The following TNS3 variants were observed in gnomAD, a reference collection of about 807,000 sequenced individuals.
TNS3 encodes tensin-3.
TNS3 carries 45 observed loss-of-function variants against 140.9 expected under a neutral mutation model. The ratio of observed to expected loss-of-function variants is 0.32; its 90% CI spans 0.25 to 0.41. The LOEUF is 0.41. Ranked by LOEUF, TNS3 falls within the 10% of genes least tolerant of loss-of-function variation. TNS3 has a pLI of 1.00. For missense variants in TNS3, 1,716 were observed against 1,906.7 expected (o/e 0.90, Z 1.86); for synonymous variants, 815 against 788.4 (o/e 1.03, Z -0.56).
chr7:47,302,841 G>A, intron 22 of TNS3, 109 bp downstream of exon 22: 7 of 1,422,502 alleles, frequency 4.9e-6, no homozygotes, highest in Non-Finnish European at 6.6e-6. Flanking sequence ...TCCTCTCCAG[G>A]TGCCCAGCCC....
At chr7:47,555,857 G>A (rs1334956597) in intron 1 of TNS3, among the ~76,000 whole-genome samples, 1 of 152,158 alleles carries the variant, frequency 6.6e-6, no homozygotes, top group Non-Finnish European at 1.5e-5. Context: ...TAAAAGATGT[G>A]TGCAACTTAC....
chr7:47,437,180 G>T, intron 7 of TNS3, 83 bp downstream of exon 7: 2 of 882,108 alleles, frequency 2.3e-6, no homozygotes, highest in South Asian at 1.6e-5. Context: ...ATTCCACAAA[G>T]ACTAGTAGCA....
At chr7:47,478,904 T>C (rs761450504) in intron 4 of TNS3, among the ~76,000 whole-genome samples, 17 of 150,642 alleles carry the variant, frequency 1.1e-4, no homozygotes, top group Non-Finnish European at 1.9e-4. Flanking sequence ...AACATACATG[T>C]ATGTATTTGT....
chr7:47,296,947 C>T (rs888413045), intron 24 of TNS3, 135 bp downstream of exon 24: 2 of 1,143,712 alleles, frequency 1.7e-6, no homozygotes, highest in South Asian at 1.7e-5. Flanking sequence ...GTAAAATATA[C>T]CTGAAAAAAT....
chr7:47,378,087 G>T (rs985236982), intron 16 of TNS3, among the ~76,000 whole-genome samples: 2 of 152,134 alleles, frequency 1.3e-5, no homozygotes, highest in African/African-American at 4.8e-5. Context: ...CCTGGAGAAG[G>T]GGGTGTTTGC....
chr7:47,488,561 A>C (rs1010684453), intron 3 of TNS3, among the ~76,000 whole-genome samples: 15 of 152,216 alleles, frequency 9.9e-5, no homozygotes, highest in African/African-American at 3.6e-4. Flanking sequence ...GACACCAGTC[A>C]TACTGGATTA....
intron 3 of TNS3, chr7:47,481,531 G>T: frequency 2.4e-6 from 1 of 421,196 alleles, no homozygotes; most frequent in Non-Finnish European, 3.2e-6. Flanking sequence ...CTGCCTGGTG[G>T]TCTTCAAGAC....
rs1180252400 is a variant in TNS3 at position 47,277,866 on chromosome 7, G to A, written c.*210C>T. ...TACCCAAAAAGCATGTGGCTACAGAGATGTGTCAGATAAGTCACTTTCAGG... is the reference window on the plus strand; with the variant it reads ...TACCCAAAAAGCATGTGGCTACAGAAATGTGTCAGATAAGTCACTTTCAGG... On this transcript the variant is annotated 3_prime_UTR_variant, in exon 31 of 31. Coordinates refer to ENST00000311160, the MANE Select transcript of TNS3 (RefSeq NM_022748.12). 1.5e-6 allele frequency: 1 copy of A among 677,794 alleles called. No homozygotes were observed. The highest frequency in any genetic ancestry group is 1.8e-5 in the African/African-American group (1 of 56,662). 42.0% of individuals were successfully genotyped at this position (677,794 alleles called of 1,614,324 possible). A position where few individuals can be genotyped will look rare whatever the true frequency, so the allele number is the denominator to read the frequency against.
Position 47,415,107 on chromosome 7 carries a change from G to T in TNS3, c.573C>A (p.Phe191Leu), listed in dbSNP as rs368113552. The change falls in exon 11 of 31, where the codon TTC becomes TTA. Residue 191 changes from phenylalanine to leucine, a missense_variant. Transcript: ENST00000311160. Reference sequence around the variant, plus strand: ...GGGGACACTCACCTCCACCTGTGTCGAAGTTGGGGGTGCCGTGGAGGATGA... The same window carrying T: ...GGGGACACTCACCTCCACCTGTGTCTAAGTTGGGGGTGCCGTGGAGGATGA... The part of the protein sequence containing the change: ...HFVILHGTPN[F>L]DTGGVCRPFL... 1 of 1,611,590 alleles carries T rather than the reference G, an allele frequency of 6.2e-7. No individual in the cohort carries two copies. Among genetic ancestry groups the T allele is most frequent in the African/African-American group, 1.3e-5 (1 of 74,828 alleles).
intron 20 of TNS3, among the ~76,000 whole-genome samples, chr7:47,319,145 A>G (rs1787583619): frequency 1.3e-5 from 2 of 152,200 alleles, no homozygotes; most frequent in South Asian, 4.1e-4. Context: ...GCACCGCTAT[A>G]TAGGAACAAC....
At chr7:47,362,021 C>T (rs531480530) in intron 17 of TNS3, among the ~76,000 whole-genome samples, 1 of 152,238 alleles carries the variant, frequency 6.6e-6, no homozygotes, top group South Asian at 2.1e-4. Context: ...AAATATTCTC[C>T]CACTTAAAAG....
At chr7:47,570,523 A>G (rs1470198447) in intron 1 of TNS3, among the ~76,000 whole-genome samples, 1 of 152,276 alleles carries the variant, frequency 6.6e-6, no homozygotes, top group Admixed American at 6.5e-5. Flanking sequence ...AGTTAAAGGA[A>G]TAATTTACAA....
rs1408425149 is a variant in TNS3 at position 47,471,661 on chromosome 7, A to G, written c.-76+9442T>C. On this transcript the variant is annotated intron_variant, in intron 4 of 30. Transcript: ENST00000311160. The stretch of plus-strand genomic sequence containing the variant: ...AACATCTTCTGCTGTTTATCTGCCC[A>G]TTCTCAAAGTCTGCTCCATCTGAGC... Among the ~76,000 whole-genome samples, 5 of 152,288 alleles carry G rather than the reference A, an allele frequency of 3.3e-5. No homozygotes were observed. In the Middle Eastern group the frequency reaches 0.01, roughly 311 times the overall value.
intron 1 of TNS3, among the ~76,000 whole-genome samples, chr7:47,564,072 T>C (rs1356870683): frequency 5.9e-5 from 9 of 151,386 alleles, no homozygotes; most frequent in Non-Finnish European, 1.2e-4. Flanking sequence ...CAGGCTCCTA[T>C]AGTCCCAGCT....
At chr7:47,468,739 ATT>A (rs1483193616) in intron 4 of TNS3, among the ~76,000 whole-genome samples, 12 of 152,366 alleles carry the variant, frequency 7.9e-5, no homozygotes, top group East Asian at 3.9e-4. Context: ...AAAAAAAACT[ATT>A]GTAAAATTCA....
rs778785110 is a variant in TNS3 at position 47,303,384 on chromosome 7, G to A, written c.3023C>T (p.Pro1008Leu). 1.7e-5 allele frequency: 27 copies of A among 1,613,620 alleles called. No individual in the cohort carries two copies. In the African/African-American group the frequency reaches 1.7e-4, roughly 10 times the overall value. The change falls in exon 22 of 31, where the codon CCG (proline) becomes CTG (leucine). Residue 1008 changes from proline (P) to leucine (L), a missense_variant. Physicochemically the swap from Pro to Leu is moderately conservative, Grantham distance 98 (BLOSUM62 -3). Around this residue, in one of 3 missense-constraint regions of TNS3, gnomAD observed 1,163 missense variants for 1,182.1 expected, o/e 0.98. Coordinates refer to ENST00000311160, the MANE Select transcript of TNS3 (RefSeq NM_022748.12). ...HSHELSLAEP[P>L]DSLAPPSSQA... ...GCTGCTGGGAGGCGCCAGGGAGTCC[G>A]GTGGCTCTGCTAGGGACAGCTCATG...
intron 20 of TNS3, among the ~76,000 whole-genome samples, chr7:47,309,247 C>G (rs1786938409): frequency 6.6e-6 from 1 of 152,052 alleles, no homozygotes; most frequent in African/African-American, 2.4e-5. Flanking sequence ...TCCATCCTGA[C>G]CTGAAGCATA....
chr7:47,346,701 T>A (rs955272449), intron 17 of TNS3, among the ~76,000 whole-genome samples: 6 of 152,268 alleles, frequency 3.9e-5, no homozygotes, highest in African/African-American at 1.4e-4. Flanking sequence ...GGACTGACGA[T>A]GACCCAGCTG....
chr7:47,308,712 G>C (rs1786900595), intron 20 of TNS3, among the ~76,000 whole-genome samples: 1 of 152,036 alleles, frequency 6.6e-6, no homozygotes, highest in African/African-American at 2.4e-5. Context: ...CCCCACTACT[G>C]GGCAAAACCC....
Sources: allele counts gnomAD v4.1 joint callset (sites outside exome capture counted in the v4.1 genomes callset), GRCh38; gene constraint gnomAD v4.1.1; regional missense constraint gnomAD v4.1.1; transcripts MANE v1.5; gene names NCBI Gene and HGNC (gene_info 2026-07-23, HGNC 2026-07-21).